Variants in ENOX1 observed in about 807,000 individuals in gnomAD.
The protein encoded by ENOX1 is ecto-NOX disulfide-thiol exchanger 1.
In ENOX1, 42 loss-of-function variants were observed where a neutral mutation model predicts 82.5. The ratio of observed to expected loss-of-function variants is 0.51; its 90% CI spans 0.40 to 0.66. ENOX1 has a LOEUF of 0.66. ENOX1 is among the 30% of genes least tolerant of loss of function. ENOX1 has a pLI of 0.00. For missense variants in ENOX1, 608 were observed against 811.6 expected, an observed-to-expected ratio of 0.75 and a Z score of 3.05; for synonymous variants, 271 against 282.2, an observed-to-expected ratio of 0.96 and a Z score of 0.40.
At chr13:43,612,867 A>G (rs1036425803) in intron 2 of ENOX1, among the ~76,000 whole-genome samples, 1 of 9,918 alleles carries the variant, frequency 1.0e-4, no homozygotes, top group African/African-American at 1.1e-4. Context: ...TACTCACTTC[A>G]TCATATCAAC....
intron 1 of ENOX1, among the ~76,000 whole-genome samples, chr13:43,721,714 T>A (rs76360014): frequency 0.014 from 2,147 of 152,200 alleles, 49 homozygotes; most frequent in African/African-American, 0.047. Flanking sequence ...TTTCCCCTGC[T>A]TTTTGCACAA....
chr13:43,312,386 G>A (rs1015283283), intron 11 of ENOX1, among the ~76,000 whole-genome samples: 2 of 152,168 alleles, frequency 1.3e-5, no homozygotes, highest in Admixed American at 6.5e-5. Context: ...TCAATAAACT[G>A]GTGATCCTCA....
chr13:43,485,296 G>A (rs2076375140), intron 2 of ENOX1, among the ~76,000 whole-genome samples: 2 of 152,086 alleles, frequency 1.3e-5, no homozygotes, highest in Admixed American at 1.3e-4. Context: ...CTGTGTTGCA[G>A]GGCTACTGCT....
rs970530789 is a variant in ENOX1 at position 43,768,468 on chromosome 13, T to C, written c.-285+18184A>G. ...AAACACAACAAAACAAAACAAATTT[T>C]AAAACTACCCAGGCATGGTGGCACA... On this transcript the variant is annotated intron_variant, in intron 1 of 16. Coordinates refer to ENST00000690772, the MANE Select transcript of ENOX1 (RefSeq NM_001347969.2). Among the ~76,000 whole-genome samples the C allele has an allele frequency of 3.3e-5, 5 of 152,216 alleles. No individual in the cohort carries two copies. In the East Asian group the frequency reaches 9.7e-4, roughly 29 times the overall value.
chr13:43,494,801 G>T (rs184058593), intron 2 of ENOX1, among the ~76,000 whole-genome samples: 1 of 152,190 alleles, frequency 6.6e-6, no homozygotes, highest in East Asian at 1.9e-4. Context: ...TAGGAAAAAA[G>T]GCTATTGCTA....
At chr13:43,683,452 C>G (rs998319029) in intron 1 of ENOX1, among the ~76,000 whole-genome samples, 2 of 152,046 alleles carry the variant, frequency 1.3e-5, no homozygotes, top group East Asian at 1.9e-4. Context: ...CAATGAGATG[C>G]AGGGCAGATG....
chr13:43,302,199 C>A (rs906051206), intron 11 of ENOX1, among the ~76,000 whole-genome samples: 1 of 151,282 alleles, frequency 6.6e-6, no homozygotes, highest in African/African-American at 2.4e-5. Context: ...TAAGAGACAC[C>A]CCATGTGGAT....
At chr13:43,295,954 G>C (rs2046262533) in intron 12 of ENOX1, among the ~76,000 whole-genome samples, 1 of 152,094 alleles carries the variant, frequency 6.6e-6, no homozygotes, top group Non-Finnish European at 1.5e-5. Flanking sequence ...GCTTTCTGTA[G>C]GTTAAAGAGG....
chr13:43,722,470 T>C (rs1037718568), intron 1 of ENOX1, among the ~76,000 whole-genome samples: 1 of 152,190 alleles, frequency 6.6e-6, no homozygotes, highest in Non-Finnish European at 1.5e-5. Context: ...GAAGTAAATG[T>C]GGGCCTGCCT....
At position 43,276,216 on chromosome 13, in the gene ENOX1, C is replaced by T. The variant is rs114477134; in HGVS notation, c.1447-6639G>A. Among the ~76,000 whole-genome samples the T allele has an allele frequency of 9.2e-3, 1,399 of 152,234 alleles. 17 individuals are homozygous for T. The highest frequency in any genetic ancestry group is 0.026 in the African/African-American group (1,073 of 41,542). ...TTCCAAAGGGAATTCTCACCAAAGGCGATGGTGGGTGTGACTGCGTCTGAT... is the reference window on the plus strand; with the variant it reads ...TTCCAAAGGGAATTCTCACCAAAGGTGATGGTGGGTGTGACTGCGTCTGAT... On this transcript the variant is annotated intron_variant, in intron 12 of 16. Transcript: ENST00000690772.
chr13:43,680,032 C>T (rs2085707265), intron 1 of ENOX1, among the ~76,000 whole-genome samples: 1 of 152,314 alleles, frequency 6.6e-6, no homozygotes, highest in African/African-American at 2.4e-5. Context: ...GCAAATACAA[C>T]CCTAAAGGGG....
chr13:43,499,057 T>C (rs1469876628), intron 2 of ENOX1, among the ~76,000 whole-genome samples: 1 of 152,122 alleles, frequency 6.6e-6, no homozygotes, highest in Non-Finnish European at 1.5e-5. Flanking sequence ...CACTGTGGTA[T>C]TTTTCCCTAA....
At chr13:43,651,771 T>C (rs2084188038) in intron 2 of ENOX1, among the ~76,000 whole-genome samples, 1 of 150,560 alleles carries the variant, frequency 6.6e-6, no homozygotes, top group South Asian at 2.1e-4. Flanking sequence ...GGTCAGGAGA[T>C]CGAGACCAGC....
In ENOX1 at chr13:43,671,146, G is replaced by A. The variant is rs189284206; in HGVS notation, c.-284-3602C>T. On this transcript the variant is annotated intron_variant, in intron 1 of 16. Transcript: ENST00000690772. ...CCTGCTCTTGCATGCTCTCTCTCTC[G>A]CCTGCTGCCATGTAAGATATGTCTG... Among the ~76,000 whole-genome samples, 109 of 152,098 alleles carry A rather than the reference G, an allele frequency of 7.2e-4. 4 individuals carry two copies. Among genetic ancestry groups the A allele is most frequent in the African/African-American group, 2.5e-3 (103 of 41,518 alleles).
intron 11 of ENOX1, among the ~76,000 whole-genome samples, chr13:43,309,851 G>A (rs1158841866): frequency 2.6e-5 from 4 of 151,804 alleles, no homozygotes; most frequent in East Asian, 1.9e-4. Context: ...TTTGTTTTGC[G>A]TTTCTGGTGA....
intron 1 of ENOX1, among the ~76,000 whole-genome samples, chr13:43,737,152 A>T (rs1158904800): frequency 6.6e-6 from 1 of 152,246 alleles, no homozygotes. Flanking sequence ...TAACCTCTAA[A>T]AAACACCCCA....
intron 3 of ENOX1, among the ~76,000 whole-genome samples, chr13:43,449,200 C>T (rs9567192): frequency 0.17 from 25,172 of 152,140 alleles, 2,214 homozygotes; most frequent in East Asian, 0.31. Context: ...CATTATTTCA[C>T]GCACATTTCC....
intron 2 of ENOX1, among the ~76,000 whole-genome samples, chr13:43,594,993 G>C (rs2081399142): frequency 1.3e-5 from 2 of 151,850 alleles, no homozygotes; most frequent in South Asian, 4.2e-4. Context: ...TGTCAGAAGT[G>C]AAAGGCTCAG....
At chr13:43,748,721 G>A (rs1950157488) in intron 1 of ENOX1, among the ~76,000 whole-genome samples, 1 of 152,090 alleles carries the variant, frequency 6.6e-6, no homozygotes, top group African/African-American at 2.4e-5. Flanking sequence ...TGGATACAAA[G>A]TACTTAGCAC....
Sources: allele counts gnomAD v4.1 joint callset (sites outside exome capture counted in the v4.1 genomes callset), GRCh38; gene constraint gnomAD v4.1.1; transcripts MANE v1.5; gene names NCBI Gene and HGNC (gene_info 2026-07-23, HGNC 2026-07-21).